Variants in ADGRE5 observed in about 807,000 individuals in gnomAD.
ADGRE5 encodes the protein adhesion G protein-coupled receptor E5.
In ADGRE5, 72 loss-of-function variants were observed where a neutral mutation model predicts 100.3. That is an observed-to-expected ratio of 0.72 (90% CI 0.59 to 0.87). ADGRE5 has a LOEUF of 0.87. ADGRE5 is among the 40% of genes least tolerant of loss of function. The pLI is 0.00. For missense variants in ADGRE5, 959 were observed against 1,094.7 expected, an observed-to-expected ratio of 0.88 and a Z score of 1.75; for synonymous variants, 439 against 447.8, an observed-to-expected ratio of 0.98 and a Z score of 0.25.
At chr19:14,402,028 G>A (rs772955077) in intron 11 of ADGRE5, among the ~76,000 whole-genome samples, 5 of 152,064 alleles carry the variant, frequency 3.3e-5, no homozygotes, top group Non-Finnish European at 7.4e-5. Flanking sequence ...TTACTCAGGA[G>A]GCTGAAGCGA....
Position 14,407,201 on chromosome 19 carries a change from A to G in ADGRE5, c.2348A>G (p.Tyr783Cys). Reference protein sequence around the residue: ...ILNCLQGAFLYLLHCLLNKKV... With the variant: ...ILNCLQGAFLCLLHCLLNKKV... Reference sequence around the variant, plus strand: ...AACTGCCTGCAGGGCGCCTTCCTCTACCTGCTGCACTGCCTGCTCAACAAG... The same window carrying G: ...AACTGCCTGCAGGGCGCCTTCCTCTGCCTGCTGCACTGCCTGCTCAACAAG... The change falls in exon 18 of 20, where the codon TAC (tyrosine) becomes TGC (cysteine). Residue 783 changes from tyrosine to cysteine, a missense_variant. Physicochemically the swap from Tyr to Cys is radical, Grantham distance 194. Coordinates refer to ENST00000242786, the MANE Select transcript of ADGRE5 (RefSeq NM_078481.4). 1 of 1,613,414 alleles carries G rather than the reference A, an allele frequency of 6.2e-7. No individual in the cohort carries two copies. Among genetic ancestry groups the G allele is most frequent in the South Asian group, 1.1e-5 (1 of 91,078 alleles).
At chr19:14,388,353 G>A in intron 1 of ADGRE5, 97 bp from the exon 2 acceptor site, 1 of 1,525,690 alleles carries the variant, frequency 6.6e-7, no homozygotes, top group Non-Finnish European at 8.9e-7. Flanking sequence ...CTGAGCCTGA[G>A]AGGGGTCAGC....
rs1976143698 is a variant in ADGRE5, at chr19:14,404,563, G to T, written c.1629+1G>T. ...CCTTATGGCTCATTATGACGTGGAGGTAAGTAGCTGGAGGCATCCTCAAGT... is the reference window on the plus strand; with the variant it reads ...CCTTATGGCTCATTATGACGTGGAGTTAAGTAGCTGGAGGCATCCTCAAGT... On this transcript the variant is annotated splice_donor_variant, in intron 13 of 19. Coordinates refer to ENST00000242786, the MANE Select transcript of ADGRE5 (RefSeq NM_078481.4). LOFTEE classifies it high-confidence loss of function. The T allele has an allele frequency of 6.2e-7, 1 of 1,611,734 alleles. No homozygotes were observed. Among genetic ancestry groups the T allele is most frequent in the Admixed American group, 1.7e-5 (1 of 59,482 alleles).
intron 6 of ADGRE5, 68 bp from the exon 7 acceptor site, chr19:14,397,590 G>A (rs1975829675): frequency 6.2e-7 from 1 of 1,607,884 alleles, no homozygotes; most frequent in Non-Finnish European, 8.5e-7. Flanking sequence ...ATGAGCTGGG[G>A]GCACAGACAG....
intron 4 of ADGRE5, among the ~76,000 whole-genome samples, chr19:14,392,550 T>C (rs1357551610): frequency 2.0e-5 from 3 of 152,158 alleles, no homozygotes; most frequent in Non-Finnish European, 4.4e-5. Flanking sequence ...TTTCACCTTG[T>C]TAAAAGGTTA....
chr19:14,398,465 C>G (rs897613861), intron 9 of ADGRE5: 5 of 281,508 alleles, frequency 1.8e-5, no homozygotes, highest in South Asian at 3.9e-5. Context: ...GTCAGGAGAT[C>G]GAGACCATTC....
rs546692362 is a variant in ADGRE5, at chr19:14,382,601, A to G, written c.22+1056A>G. Reference sequence around the variant, plus strand: ...GTGTTGGCTGGGCACAGTGGCTCACACCTGCAATCCCAGCACTTTGAGAGG... The same window carrying G: ...GTGTTGGCTGGGCACAGTGGCTCACGCCTGCAATCCCAGCACTTTGAGAGG... On this transcript the variant is annotated intron_variant, in intron 1 of 19. Coordinates refer to ENST00000242786, the MANE Select transcript of ADGRE5 (RefSeq NM_078481.4). 2.0e-5 allele frequency among the ~76,000 whole-genome samples: 3 copies of G among 152,230 alleles called. No individual in the cohort carries two copies. The South Asian group carries it at 6.2e-4, about 31-fold the overall frequency.
At position 14,388,801 on chromosome 19, in the gene ADGRE5, C is replaced by T. The variant is rs141960162; in HGVS notation, c.173C>T (p.Pro58Leu). The change falls in exon 3 of 20, where the codon CCG becomes CTG. Residue 58 changes from proline to leucine, a missense_variant. Physicochemically the swap from Pro to Leu is moderately conservative, Grantham distance 98. Coordinates refer to ENST00000242786, the MANE Select transcript of ADGRE5 (RefSeq NM_078481.4). ...FSSFSEIITT[P>L]TETCDDINEC... Reference sequence around the variant, plus strand: ...TCTTTTTCTGAGATCATCACCACCCCGACGGAGACTTGTGACGGTACAGAG... The same window carrying T: ...TCTTTTTCTGAGATCATCACCACCCTGACGGAGACTTGTGACGGTACAGAG... 1.9e-3 allele frequency: 3,067 copies of T among 1,613,416 alleles called. 46 individuals carry two copies. In the African/African-American group the frequency reaches 0.036, roughly 19 times the overall value.
In ADGRE5 at chr19:14,406,998, G is replaced by A. The variant is rs747377276; in HGVS notation, c.2207+38G>A. The A allele has an allele frequency of 9.9e-6, 16 of 1,613,352 alleles. No homozygotes were observed. Among genetic ancestry groups the A allele is most frequent in the African/African-American group, 2.7e-5 (2 of 74,938 alleles). On this transcript the variant is annotated intron_variant, in intron 17 of 19. Transcript: ENST00000242786. This position sits in a 1 kb window ranked among gnomAD's most constrained non-coding sequence, Gnocchi z 6.0. ...GCTGGAAGGACTTGGAGGCGGGGCC[G>A]GGGTGAGGGGCATGAAGCTGGAGGT...
chr19:14,400,051 GCT>G (rs1975948177), intron 9 of ADGRE5, among the ~76,000 whole-genome samples: 1 of 150,434 alleles, frequency 6.6e-6, no homozygotes, highest in Non-Finnish European at 1.5e-5. Context: ...ACGGAGTCTC[GCT>G]CTGTCGCCCA....
intron 13 of ADGRE5, chr19:14,405,142 G>T (rs28505983): frequency 0.073 from 11,218 of 152,920 alleles, 754 homozygotes; most frequent in African/African-American, 0.18. Flanking sequence ...ACCGCACCCG[G>T]CCTCTTTTTT....
chr19:14,401,884 A>G lies in ADGRE5; in HGVS notation c.1183+124A>G. On this transcript the variant is annotated intron_variant, in intron 11 of 19. Coordinates refer to ENST00000242786, the MANE Select transcript of ADGRE5 (RefSeq NM_078481.4). This position sits in a 1 kb window ranked among gnomAD's most constrained non-coding sequence, Gnocchi z 4.1. ...GGTGGCTCACGCCTGCAATCCCAGC[A>G]TTTTGGGAGGCCCAGGTGGGTAGAT... 1.7e-6 allele frequency: 1 copy of G among 584,884 alleles called. No homozygotes were observed. The highest frequency in any genetic ancestry group is 2.8e-6 in the Non-Finnish European group (1 of 356,768). 36.2% of individuals were successfully genotyped at this position (584,884 alleles called of 1,614,324 possible).
chr19:14,405,492 T>C, intron 13 of ADGRE5: 1 of 471,948 alleles, frequency 2.1e-6, no homozygotes, highest in East Asian at 3.7e-5. Flanking sequence ...ATCGTTAAGC[T>C]GGGCCTTGTC....
In ADGRE5 at chr19:14,407,647, A is replaced by C. The variant is rs564396995; in HGVS notation, c.2377-261A>C. Among the ~76,000 whole-genome samples, 952 of 151,628 alleles carry C rather than the reference A, an allele frequency of 6.3e-3. 19 individuals carry two copies. The highest frequency in any genetic ancestry group is 0.022 in the African/African-American group (894 of 41,302). ...CAGTGAGACTTGTCTCCAAAAAAAA[A>C]AAAAAAAGCCGGGTGTGCTGAATAC... On this transcript the variant is annotated intron_variant, in intron 18 of 19. Coordinates refer to ENST00000242786, the MANE Select transcript of ADGRE5 (RefSeq NM_078481.4).
intron 4 of ADGRE5, among the ~76,000 whole-genome samples, chr19:14,394,937 G>A (rs1053958788): frequency 2.0e-5 from 3 of 152,082 alleles, no homozygotes; most frequent in South Asian, 4.1e-4. Flanking sequence ...GGGCCTGAAC[G>A]CACCGTCAAT....
intron 1 of ADGRE5, among the ~76,000 whole-genome samples, chr19:14,386,081 T>G (rs1315774673): frequency 6.6e-6 from 1 of 151,490 alleles, no homozygotes; most frequent in Non-Finnish European, 1.5e-5. Context: ...ACGCCTTCAT[T>G]TTTACCTAAA....
intron 1 of ADGRE5, among the ~76,000 whole-genome samples, chr19:14,387,902 C>T (rs1024605416): frequency 3.3e-5 from 5 of 151,608 alleles, no homozygotes; most frequent in African/African-American, 1.2e-4. Context: ...TGGTGAAACC[C>T]TGTCTCTAGT....
At chr19:14,399,496 G>A (rs889609377) in intron 9 of ADGRE5, among the ~76,000 whole-genome samples, 9 of 148,054 alleles carry the variant, frequency 6.1e-5, no homozygotes, top group African/African-American at 9.9e-5. Context: ...CCCGGGAAGC[G>A]GAGCTTGCAG....
intron 5 of ADGRE5, 59 bp downstream of exon 5, chr19:14,396,532 ACGTCCTC>A: frequency 6.2e-7 from 1 of 1,606,900 alleles, no homozygotes; most frequent in Non-Finnish European, 8.5e-7. Context: ...GAGCTGAGGC[ACGTCCTC>A]CAAAGCAGCC....
Sources: allele counts gnomAD v4.1 joint callset (sites outside exome capture counted in the v4.1 genomes callset), GRCh38; gene constraint gnomAD v4.1.1; non-coding constraint Gnocchi (gnomAD v3.1); transcripts MANE v1.5; gene names NCBI Gene and HGNC (gene_info 2026-07-23, HGNC 2026-07-21).